CEP72: variants seen among roughly 807,000 people sequenced by gnomAD.
CEP72 encodes centrosomal protein of 72 kDa.
CEP72 carries 78 observed loss-of-function variants against 65.7 expected under a neutral mutation model. The observed-to-expected ratio is 1.19, with a 90% CI of 0.99 to 1.43. CEP72 has a LOEUF of 1.43. CEP72 is among the 40% of genes most tolerant of loss of function. The pLI is 0.00. For synonymous variants in CEP72, 358 were observed against 351.7 expected (o/e 1.02, Z -0.20); for missense variants, 914 against 832.9 (o/e 1.10, Z -1.20).
chr5:642,176 GCATTT>G (rs1738091850), intron 9 of CEP72: 1 of 906,728 alleles, frequency 1.1e-6, no homozygotes, highest in African/African-American at 1.9e-5. Context: ...AGAAGCCTCT[GCATTT>G]AAACACACGT....
In CEP72 at chr5:645,868, T is replaced by C. The variant is rs1029703611; in HGVS notation, c.1666+1443T>C. Among the ~76,000 whole-genome samples the C allele has an allele frequency of 1.8e-4, 27 of 152,262 alleles. No individual in the cohort carries two copies. Among genetic ancestry groups the C allele is most frequent in the African/African-American group, 6.5e-4 (27 of 41,470 alleles). On this transcript the variant is annotated intron_variant, in intron 10 of 11. Coordinates refer to ENST00000264935, the MANE Select transcript of CEP72 (RefSeq NM_018140.4). This position sits in a 1 kb window ranked among gnomAD's most constrained non-coding sequence, Gnocchi z 4.0. ...TGATGTTCTTGTGACTAGAAATTGC[T>C]GTGTGAGCGTCACTCCTGCTCCCGT...
intron 10 of CEP72, among the ~76,000 whole-genome samples, 170 bp from the exon 11 acceptor site, chr5:647,635 G>A (rs756001423): frequency 1.6e-4 from 24 of 152,354 alleles, no homozygotes; most frequent in Middle Eastern, 3.4e-3. Flanking sequence ...GGGAGGGGCC[G>A]TGGCATTCAT....
intron 1 of CEP72, among the ~76,000 whole-genome samples, chr5:615,947 T>C (rs1361910412): frequency 6.6e-6 from 1 of 152,262 alleles, no homozygotes; most frequent in Non-Finnish European, 1.5e-5. Flanking sequence ...TTTATCACCA[T>C]TTAGGTCTCT....
At position 623,880 on chromosome 5, in the gene CEP72, G is replaced by A. The variant is rs1002335259; in HGVS notation, c.404-591G>A. ...TTTGGGGCGTGCTGTAGGCTAAATGGAGGCAGCGTGGGAACTTGTCACAGA... is the reference window on the plus strand; with the variant it reads ...TTTGGGGCGTGCTGTAGGCTAAATGAAGGCAGCGTGGGAACTTGTCACAGA... On this transcript the variant is annotated intron_variant, in intron 3 of 11. Transcript: ENST00000264935. The surrounding 1 kb of genome is among the most constrained non-coding windows in gnomAD (Gnocchi z 5.3). Among the ~76,000 whole-genome samples, 1 of 152,194 alleles carries A rather than the reference G, an allele frequency of 6.6e-6. No homozygotes were observed. Among genetic ancestry groups the A allele is most frequent in the Non-Finnish European group, 1.5e-5 (1 of 68,034 alleles).
downstream of CEP72, among the ~76,000 whole-genome samples, chr5:668,849 A>G (rs957872716): frequency 6.6e-6 from 1 of 152,226 alleles, no homozygotes; most frequent in Non-Finnish European, 1.5e-5. Context: ...CCACCCCTCG[A>G]GAACAAGCCC....
At chr5:672,596 T>C in the CEP72 span, among the ~76,000 whole-genome samples, 3 of 152,102 alleles carry the variant, frequency 2.0e-5, no homozygotes, top group African/African-American at 7.2e-5. Context: ...CTGGTGGTGT[T>C]TGGTGCAGTT....
In CEP72 at chr5:645,252, T is replaced by C. The variant is rs1377612624; in HGVS notation, c.1666+827T>C. On this transcript the variant is annotated intron_variant, in intron 10 of 11. Transcript: ENST00000264935. The surrounding 1 kb of genome is among the most constrained non-coding windows in gnomAD (Gnocchi z 4.0). ...CTGTGGATGAGGCCTGTGGCCGCTC[T>C]GTCTCCTTTGGGGCAGCGTCTCCTT... 6.6e-6 allele frequency among the ~76,000 whole-genome samples: 1 copy of C among 152,204 alleles called. No homozygotes were observed. The highest frequency in any genetic ancestry group is 1.5e-5 in the Non-Finnish European group (1 of 68,040).
Position 641,849 on chromosome 5 carries a change from T to C in CEP72, c.1539+1245T>C, listed in dbSNP as rs1185152912. 12 of 971,728 alleles carry C rather than the reference T, an allele frequency of 1.2e-5. 1 individual carries two copies. The allele number at this position is 971,728 out of a possible 1,614,324, so 60.2% of individuals were successfully genotyped here. A position where few individuals can be genotyped will look rare whatever the true frequency, so the allele number is the denominator to read the frequency against. On this transcript the variant is annotated intron_variant, in intron 9 of 11. Coordinates refer to ENST00000264935, the MANE Select transcript of CEP72 (RefSeq NM_018140.4). Reference sequence around the variant, plus strand: ...AGAAGCCTCTGCATTTAAGCACACGTGGTCCCCCGTCCAGAAGCCTGTGCA... The same window carrying C: ...AGAAGCCTCTGCATTTAAGCACACGCGGTCCCCCGTCCAGAAGCCTGTGCA...
intron 11 of CEP72, among the ~76,000 whole-genome samples, chr5:652,434 G>C (rs1739169700): frequency 6.6e-6 from 1 of 152,192 alleles, no homozygotes; most frequent in South Asian, 2.1e-4. Context: ...AGTGTCCTCA[G>C]GTCATCGCTG....
At chr5:628,552 AGTCCCCGGGGAGTGTTC>A (rs1736933688) in intron 4 of CEP72, among the ~76,000 whole-genome samples, 3 of 28,022 alleles carry the variant, frequency 1.1e-4, no homozygotes, top group Admixed American at 7.1e-4. Context: ...CTCAGGTTGC[AGTCCCCGGGGAGTGTTC>A]CCAGGACCCA....
At chr5:676,010 CAGCTTCTCTGGGACTGA>C in the CEP72 span, 55,560 of 152,020 alleles carry the variant, frequency 0.37, 13,445 homozygotes, top group African/African-American at 0.69. Context: ...GCCTCCCCTC[CAGCTTCTCTGGGACTGA>C]GGCTGGGAGC....
At chr5:625,301 C>G (rs1736681681) in intron 4 of CEP72, among the ~76,000 whole-genome samples, 1 of 152,240 alleles carries the variant, frequency 6.6e-6, no homozygotes, top group Admixed American at 6.5e-5. Context: ...TTCTTGAGTA[C>G]CATTTGTCTT....
intron 11 of CEP72, 99 bp downstream of exon 11, chr5:648,015 G>C (rs1350469405): frequency 1.4e-6 from 1 of 701,306 alleles, no homozygotes; most frequent in South Asian, 1.8e-5. Flanking sequence ...GCACAGAGGA[G>C]CAGCTCCTCA....
At position 623,193 on chromosome 5, in the gene CEP72, TC is replaced by T. The variant is rs1427334433; in HGVS notation, c.404-1274del. 9.2e-5 allele frequency among the ~76,000 whole-genome samples: 14 copies of T among 151,778 alleles called. No individual in the cohort carries two copies. Among genetic ancestry groups the T allele is most frequent in the Non-Finnish European group, 1.5e-4 (10 of 67,940 alleles). On this transcript the variant is annotated intron_variant, in intron 3 of 11. Transcript: ENST00000264935. This position sits in a 1 kb window ranked among gnomAD's most constrained non-coding sequence, Gnocchi z 5.3. ...TCTGCAGAGAAGGAGCGCGACCGTC[TC>T]CCCTCTTAGTGTTTCTACAGAGAAG... is the stretch of plus-strand genomic sequence containing the variant.
At chr5:627,618 G>C (rs1021861861) in intron 4 of CEP72, among the ~76,000 whole-genome samples, 1 of 151,968 alleles carries the variant, frequency 6.6e-6, no homozygotes, top group African/African-American at 2.4e-5. Context: ...GTTTTTTTAC[G>C]GAGGGCTAGA....
intron 4 of CEP72, among the ~76,000 whole-genome samples, chr5:628,620 G>A (rs199870286): frequency 2.6e-4 from 18 of 69,056 alleles, no homozygotes; most frequent in African/African-American, 4.5e-4. Context: ...TCAGGTCGCA[G>A]TCCCCGGGGA....
chr5:674,512 C>A, the CEP72 span, among the ~76,000 whole-genome samples: 1 of 152,258 alleles, frequency 6.6e-6, no homozygotes, highest in African/African-American at 2.4e-5. Context: ...GGACACGTCC[C>A]CTTGGCAGAG....
chr5:674,452 G>A, the CEP72 span, among the ~76,000 whole-genome samples: 20 of 152,122 alleles, frequency 1.3e-4, no homozygotes, highest in African/African-American at 3.9e-4. Context: ...CTGCTTCTGC[G>A]TGGGCTAAAT....
At chr5:643,710 C>G in intron 9 of CEP72, 1 of 968,112 alleles carries the variant, frequency 1.0e-6, no homozygotes, top group Non-Finnish European at 1.2e-6. Context: ...CAGGTGCTGG[C>G]GGCTTGGATG....
Sources: allele counts gnomAD v4.1 joint callset (sites outside exome capture counted in the v4.1 genomes callset), GRCh38; gene constraint gnomAD v4.1.1; non-coding constraint Gnocchi (gnomAD v3.1); transcripts MANE v1.5; gene names NCBI Gene and HGNC (gene_info 2026-07-23, HGNC 2026-07-21).